PHACTR3: variants seen among roughly 807,000 people sequenced by gnomAD.
PHACTR3 encodes the protein phosphatase and actin regulator 3, also known as protein phosphatase 1, regulatory subunit 123.
Under a neutral mutation model 66.8 loss-of-function variants are expected in PHACTR3, and 16 were observed. The observed-to-expected ratio is 0.24, with a 90% CI of 0.16 to 0.36. PHACTR3 has a LOEUF of 0.36. PHACTR3 is among the 10% of genes least tolerant of loss of function. The pLI, the probability that PHACTR3 is intolerant of heterozygous loss-of-function variation, is 1.00. For missense variants in PHACTR3, 647 were observed against 719.9 expected (o/e 0.90, Z 1.16); for synonymous variants, 323 against 292.1 (o/e 1.11, Z -1.08).
chr20:59,679,406 T>A (rs73915048), intron 1 of PHACTR3, among the ~76,000 whole-genome samples: 3 of 152,328 alleles, frequency 2.0e-5, no homozygotes, highest in African/African-American at 7.2e-5. Flanking sequence ...CAATAGGTGT[T>A]CATATTATTC....
chr20:59,759,981 G>A (rs2039940661), intron 4 of PHACTR3, among the ~76,000 whole-genome samples: 1 of 152,122 alleles, frequency 6.6e-6, no homozygotes, highest in South Asian at 2.1e-4. Context: ...AGGAGCCCCT[G>A]GGGTGTCTGC....
intron 1 of PHACTR3, among the ~76,000 whole-genome samples, chr20:59,612,072 G>A (rs1267525066): frequency 1.3e-5 from 2 of 152,134 alleles, no homozygotes; most frequent in African/African-American, 2.4e-5. Context: ...CCTCCCCAGA[G>A]CTTTAGCCAG....
intron 8 of PHACTR3, among the ~76,000 whole-genome samples, chr20:59,826,583 T>C (rs149991112): frequency 6.6e-6 from 1 of 151,758 alleles, no homozygotes; most frequent in Non-Finnish European, 1.5e-5. Flanking sequence ...GCCCTGCCTC[T>C]CACACCTGCT....
chr20:59,749,276 G>A (rs937134631), intron 3 of PHACTR3, among the ~76,000 whole-genome samples: 1 of 151,722 alleles, frequency 6.6e-6, no homozygotes, highest in South Asian at 2.1e-4. Context: ...TGAAAACAAT[G>A]CTAAGGCCTT....
intron 8 of PHACTR3, among the ~76,000 whole-genome samples, chr20:59,815,801 T>C (rs796923856): frequency 4.6e-5 from 7 of 152,252 alleles, no homozygotes; most frequent in African/African-American, 1.7e-4. Context: ...TTATGGATCA[T>C]GGGTCTGCGA....
rs1156913689 is a variant in PHACTR3 at position 59,789,576 on chromosome 20, TAG to T, written c.1174+15089_1174+15090del. Among the ~76,000 whole-genome samples the T allele has an allele frequency of 3.3e-5, 5 of 152,304 alleles. No homozygotes were observed. In the East Asian group the frequency reaches 7.7e-4, roughly 23 times the overall value. ...GGACCTGCAGTTATTATAAATATGT[TAG>T]AGGTCTTAGAGTGTCAACAAAATGA... On this transcript the variant is annotated intron_variant, in intron 7 of 12. Coordinates refer to ENST00000371015, the MANE Select transcript of PHACTR3 (RefSeq NM_080672.5).
At chr20:59,697,776 T>C (rs2037355079) in intron 1 of PHACTR3, among the ~76,000 whole-genome samples, 6 of 152,204 alleles carry the variant, frequency 3.9e-5, no homozygotes, top group Admixed American at 3.9e-4. Flanking sequence ...TCTTGGGTAG[T>C]TCTTTATGGC....
At chr20:59,840,131 G>C (rs2059032019) in intron 9 of PHACTR3, among the ~76,000 whole-genome samples, 1 of 152,198 alleles carries the variant, frequency 6.6e-6, no homozygotes, top group Non-Finnish European at 1.5e-5. Flanking sequence ...CAGAAGGGCT[G>C]AGGAGACCAG....
chr20:59,799,135 G>A (rs902924386), intron 7 of PHACTR3, among the ~76,000 whole-genome samples: 1 of 151,840 alleles, frequency 6.6e-6, no homozygotes, highest in Non-Finnish European at 1.5e-5. Context: ...TTTCCACTCT[G>A]GTCAGAGAAC....
intron 1 of PHACTR3, among the ~76,000 whole-genome samples, chr20:59,592,904 G>A (rs1264738218): frequency 1.3e-5 from 2 of 152,136 alleles, no homozygotes; most frequent in Non-Finnish European, 2.9e-5. Flanking sequence ...CCTGCTGAAG[G>A]ACATCTTGGT....
At position 59,641,482 on chromosome 20, in the gene PHACTR3, G is replaced by A. The variant is rs148611533; in HGVS notation, c.118+36350G>A. ...CTGCAGAAGACTGATGATTCAGCTCGAAGACAGATAGAGAGAATTCTTTCT... is the reference window on the plus strand; with the variant it reads ...CTGCAGAAGACTGATGATTCAGCTCAAAGACAGATAGAGAGAATTCTTTCT... On this transcript the variant is annotated intron_variant, in intron 1 of 12. Transcript: ENST00000371015. Among the ~76,000 whole-genome samples, 274 of 152,314 alleles carry A rather than the reference G, an allele frequency of 1.8e-3. 1 individual carries two copies. The highest frequency in any genetic ancestry group is 3.2e-3 in the Non-Finnish European group (216 of 68,026).
intron 1 of PHACTR3, among the ~76,000 whole-genome samples, chr20:59,654,394 G>A (rs1335237414): frequency 6.6e-6 from 1 of 152,078 alleles, no homozygotes; most frequent in East Asian, 1.9e-4. Flanking sequence ...ACAGGTGTAG[G>A]CAATTATTAT....
chr20:59,691,402 T>A (rs2037101569), intron 1 of PHACTR3, among the ~76,000 whole-genome samples: 1 of 152,256 alleles, frequency 6.6e-6, no homozygotes, highest in South Asian at 2.1e-4. Flanking sequence ...CAACTCCATT[T>A]ATTGAATGAT....
intron 1 of PHACTR3, among the ~76,000 whole-genome samples, chr20:59,682,679 C>T (rs1048125514): frequency 3.7e-4 from 56 of 152,142 alleles, no homozygotes; most frequent in African/African-American, 1.3e-3. Context: ...TGAGCAAAGC[C>T]GTGAAGGCGG....
At chr20:59,674,615 C>A (rs1442426984) in intron 1 of PHACTR3, among the ~76,000 whole-genome samples, 2 of 75,104 alleles carry the variant, frequency 2.7e-5, no homozygotes, top group Non-Finnish European at 4.8e-5. Context: ...CCTGTTCCCC[C>A]CTTCTCCTGT....
chr20:59,674,793 T>G (rs2036375154), intron 1 of PHACTR3, among the ~76,000 whole-genome samples: 1 of 63,622 alleles, frequency 1.6e-5, no homozygotes, highest in Admixed American at 2.2e-4. Flanking sequence ...TTTCCCCCCT[T>G]CTCCTCTTCC....
intron 4 of PHACTR3, among the ~76,000 whole-genome samples, chr20:59,755,865 A>T (rs917350937): frequency 2.0e-5 from 3 of 152,188 alleles, no homozygotes; most frequent in East Asian, 3.9e-4. Context: ...CAGTCTCAGC[A>T]TGCTGCAGCC....
chr20:59,740,665 C>CT (rs56923498), intron 1 of PHACTR3, among the ~76,000 whole-genome samples: 18,608 of 150,332 alleles, frequency 0.12, 1,517 homozygotes, highest in East Asian at 0.34. Context: ...ATCATGGCAT[C>CT]TTTTTTTTTT....
At chr20:59,614,955 T>C (rs959242914) in intron 1 of PHACTR3, among the ~76,000 whole-genome samples, 1 of 152,140 alleles carries the variant, frequency 6.6e-6, no homozygotes, top group African/African-American at 2.4e-5. Context: ...GGCCGGGTTT[T>C]TTGTGCAAAG....
Sources: allele counts gnomAD v4.1 joint callset (sites outside exome capture counted in the v4.1 genomes callset), GRCh38; gene constraint gnomAD v4.1.1; transcripts MANE v1.5; gene names NCBI Gene and HGNC (gene_info 2026-07-23, HGNC 2026-07-21).